The following USH2A variants were observed in gnomAD, a reference collection of about 807,000 sequenced individuals.
USH2A encodes the protein Usher syndrome 2A (autosomal recessive, mild).
USH2A carries 443 observed loss-of-function variants against 538.9 expected under a neutral mutation model. That is an observed-to-expected ratio of 0.82 (90% confidence interval 0.76 to 0.89). USH2A has a LOEUF of 0.89. Ranked by LOEUF, USH2A falls within the 40% of genes least tolerant of loss-of-function variation. USH2A has a pLI of 0.00. For synonymous variants in USH2A, 2,413 were observed against 2,273.5 expected (o/e 1.06, Z -1.75); for missense variants, 6,633 against 6,324.8 (o/e 1.05, Z -1.65).
intron 11 of USH2A, among the ~76,000 whole-genome samples, chr1:216,267,359 G>T (rs1369316296): frequency 6.6e-6 from 1 of 152,024 alleles, no homozygotes; most frequent in Non-Finnish European, 1.5e-5. Flanking sequence ...ATATTTCCAG[G>T]AAATAATAGC....
At chr1:215,997,514 A>G (rs574747012) in intron 34 of USH2A, among the ~76,000 whole-genome samples, 2 of 152,242 alleles carry the variant, frequency 1.3e-5, no homozygotes, top group African/African-American at 4.8e-5. Flanking sequence ...TAAAATCTGA[A>G]TTAATACTCA....
chr1:215,639,370 T>C, intron 68 of USH2A, 132 bp from the exon 69 acceptor site: 1 of 811,948 alleles, frequency 1.2e-6, no homozygotes. Context: ...TTTTATATAA[T>C]ATTCAAAATT....
intron 30 of USH2A, among the ~76,000 whole-genome samples, chr1:216,049,172 A>T (rs2030652043): frequency 6.6e-6 from 1 of 152,224 alleles, no homozygotes; most frequent in East Asian, 1.9e-4. Flanking sequence ...CCATTTGTTT[A>T]TGTTGTAGCT....
chr1:215,958,559 A>G (rs1667125030), intron 37 of USH2A, among the ~76,000 whole-genome samples: 1 of 152,176 alleles, frequency 6.6e-6, no homozygotes, highest in Admixed American at 6.6e-5. Context: ...CAATTATAAC[A>G]GAAGAAAAAG....
chr1:215,670,200 A>C (rs930536682), intron 64 of USH2A, among the ~76,000 whole-genome samples: 2 of 152,218 alleles, frequency 1.3e-5, no homozygotes, highest in African/African-American at 4.8e-5. Flanking sequence ...CACTCTGCTG[A>C]AGATCAAGCC....
At chr1:216,119,472 CATATA>C (rs1017695982) in intron 21 of USH2A, among the ~76,000 whole-genome samples, 39 of 151,508 alleles carry the variant, frequency 2.6e-4, no homozygotes, top group African/African-American at 7.5e-4. Context: ...AACAATATAA[CATATA>C]ATATAATACT....
chr1:216,033,334 C>A (rs920979414), intron 32 of USH2A, among the ~76,000 whole-genome samples: 1 of 152,090 alleles, frequency 6.6e-6, no homozygotes, highest in East Asian at 1.9e-4. Flanking sequence ...GTTATTCTAA[C>A]AAATATAGAG....
chr1:215,790,178 G>T lies in USH2A; in HGVS notation c.10063C>A (p.Pro3355Thr). The T allele has an allele frequency of 6.2e-7, 1 of 1,613,958 alleles. No individual in the cohort carries two copies. The highest frequency in any genetic ancestry group is 8.5e-7 in the Non-Finnish European group (1 of 1,179,982). Residue 3355 changes from proline to threonine, a missense_variant, in exon 51 of 72, where the codon CCA (proline) becomes ACA (threonine). By Grantham distance (38) the Pro-to-Thr change is conservative. Coordinates refer to ENST00000307340, the MANE Select transcript of USH2A (RefSeq NM_206933.4). ...KAHIKKNDPV[P>T]VKCCETELIP... ...AGTTCAGTCTCACAGCATTTTACTG[G>T]CACCGGGTCATTCTTTTTAATATGT...
chr1:215,688,932 T>C (rs537979728), intron 61 of USH2A, among the ~76,000 whole-genome samples: 8 of 152,120 alleles, frequency 5.3e-5, no homozygotes, highest in Middle Eastern at 3.4e-3. Context: ...GAAGGGGTAA[T>C]AGTGGCTTGG....
chr1:216,183,538 A>T (rs1466280125), intron 20 of USH2A, among the ~76,000 whole-genome samples: 1 of 151,968 alleles, frequency 6.6e-6, no homozygotes, highest in African/African-American at 2.4e-5. Context: ...GATGCGGCAT[A>T]TTGAGCTGAC....
chr1:216,282,576 A>G (rs1425089750), intron 11 of USH2A, among the ~76,000 whole-genome samples: 18 of 152,232 alleles, frequency 1.2e-4, no homozygotes, highest in Non-Finnish European at 1.5e-5. Context: ...ATTCTATTTC[A>G]GTGAATATGT....
chr1:215,940,174 TA>T (rs1666600122), intron 37 of USH2A, among the ~76,000 whole-genome samples: 1 of 152,100 alleles, frequency 6.6e-6, no homozygotes. Flanking sequence ...AATTACACCT[TA>T]AGGTAGAAAA....
chr1:216,250,469 A>G (rs760160253), intron 12 of USH2A, among the ~76,000 whole-genome samples: 30 of 152,216 alleles, frequency 2.0e-4, no homozygotes, highest in Non-Finnish European at 4.1e-4. Context: ...GATTTATCAC[A>G]AAGGACCCTG....
At chr1:216,085,040 G>A in intron 24 of USH2A, 163 bp from the exon 25 acceptor site, 2 of 661,188 alleles carry the variant, frequency 3.0e-6, no homozygotes, top group Non-Finnish European at 5.2e-6. Flanking sequence ...ATCAGCTATA[G>A]TAAATGATAG....
intron 44 of USH2A, among the ~76,000 whole-genome samples, chr1:215,858,666 A>C (rs116563281): frequency 6.6e-6 from 1 of 151,850 alleles, no homozygotes; most frequent in African/African-American, 2.4e-5. Flanking sequence ...AGTGAGCTGA[A>C]AAAGGTTGTA....
At chr1:215,888,313 T>TTAG in intron 41 of USH2A, 113 bp downstream of exon 41, 1 of 1,523,672 alleles carries the variant, frequency 6.6e-7, no homozygotes. Flanking sequence ...CTCCAGTGAA[T>TTAG]GCCTAAAACA....
intron 30 of USH2A, among the ~76,000 whole-genome samples, chr1:216,055,509 T>C (rs1436102523): frequency 6.6e-6 from 1 of 152,104 alleles, no homozygotes; most frequent in Admixed American, 6.5e-5. Context: ...TTAAAGAGAG[T>C]AATCAATCCA....
chr1:216,121,794 C>T (rs902290033), intron 21 of USH2A, among the ~76,000 whole-genome samples: 5 of 152,126 alleles, frequency 3.3e-5, no homozygotes, highest in East Asian at 1.9e-4. Flanking sequence ...AAGAAACTCA[C>T]GTATTATACA....
chr1:216,063,111 A>T (rs1379118522), intron 30 of USH2A, among the ~76,000 whole-genome samples: 1 of 152,202 alleles, frequency 6.6e-6, no homozygotes, highest in Non-Finnish European at 1.5e-5. Context: ...GGTTATTTTC[A>T]AGATCAGTAG....
Sources: allele counts gnomAD v4.1 joint callset (sites outside exome capture counted in the v4.1 genomes callset), GRCh38; gene constraint gnomAD v4.1.1; transcripts MANE v1.5; gene names NCBI Gene and HGNC (gene_info 2026-07-23, HGNC 2026-07-21).